ACACA: variants seen among roughly 807,000 people sequenced by gnomAD.
The protein encoded by ACACA is acetyl-CoA carboxylase 1.
Under a neutral mutation model 296.1 loss-of-function variants are expected in ACACA, and 103 were observed. The ratio of observed to expected loss-of-function variants is 0.35; its 90% CI spans 0.30 to 0.41. The LOEUF (loss-of-function observed/expected upper bound fraction) is 0.41. Ranked by LOEUF, ACACA falls within the 10% of genes least tolerant of loss-of-function variation. ACACA has a pLI of 1.00. For synonymous variants in ACACA, 953 were observed against 1,038.6 expected, an observed-to-expected ratio of 0.92 and a Z score of 1.58; for missense variants, 1,554 against 2,989.7, an observed-to-expected ratio of 0.52 and a Z score of 11.20.
chr17:37,199,348 T>A (rs1310826345), intron 35 of ACACA, among the ~76,000 whole-genome samples: 1 of 152,216 alleles, frequency 6.6e-6, no homozygotes, highest in Non-Finnish European at 1.5e-5. Flanking sequence ...TTATAATCAG[T>A]CATTTTGAAA....
intron 1 of ACACA, among the ~76,000 whole-genome samples, chr17:37,360,894 G>C (rs992238739): frequency 2.6e-5 from 4 of 152,212 alleles, no homozygotes; most frequent in Admixed American, 2.0e-4. Flanking sequence ...TGGGAAGAGG[G>C]AAGCCTTGCC....
chr17:37,152,370 G>A (rs1298473592), intron 43 of ACACA, among the ~76,000 whole-genome samples: 6 of 152,164 alleles, frequency 3.9e-5, no homozygotes, highest in African/African-American at 4.8e-5. Flanking sequence ...ACAATTTTAC[G>A]TAGGAAGAGA....
intron 13 of ACACA, 68 bp downstream of exon 13, chr17:37,258,144 C>T: frequency 6.4e-7 from 1 of 1,552,282 alleles, no homozygotes; most frequent in African/African-American, 1.4e-5. Context: ...CAGAAGTATA[C>T]TTTCAGATAC....
At chr17:37,351,928 T>G (rs2048919669) in intron 1 of ACACA, among the ~76,000 whole-genome samples, 1 of 46,564 alleles carries the variant, frequency 2.1e-5, no homozygotes, top group East Asian at 5.1e-4. Flanking sequence ...ACAGGCTGCA[T>G]TTTTTTTTTT....
intron 3 of ACACA, among the ~76,000 whole-genome samples, chr17:37,317,811 A>C (rs1279615370): frequency 6.6e-6 from 1 of 152,164 alleles, no homozygotes; most frequent in African/African-American, 2.4e-5. Context: ...TATAGAATGC[A>C]CTCCAGAGAC....
chr17:37,085,327 G>T lies in ACACA; in HGVS notation c.*1989C>A. The T allele has an allele frequency of 3.2e-6, 1 of 310,408 alleles. No individual in the cohort carries two copies. The highest frequency in any genetic ancestry group is 5.9e-6 in the Non-Finnish European group (1 of 170,716). 19.2% of individuals were successfully genotyped at this position (310,408 alleles called of 1,614,324 possible). ...GGGGAGGAGGCATTACAGGGTTCTA[G>T]AGAGGAAACATACTCGTTTGTGTCA... On this transcript the variant is annotated 3_prime_UTR_variant, in exon 56 of 56. Coordinates refer to ENST00000616317, the MANE Select transcript of ACACA (RefSeq NM_198834.3).
At chr17:37,293,713 T>C (rs182043083) in intron 3 of ACACA, among the ~76,000 whole-genome samples, 1 of 152,186 alleles carries the variant, frequency 6.6e-6, no homozygotes, top group African/African-American at 2.4e-5. Context: ...AGCTAGTTTT[T>C]ATATTTTCAG....
chr17:37,129,300 G>C, intron 47 of ACACA, 65 bp downstream of exon 47: 1 of 1,595,296 alleles, frequency 6.3e-7, no homozygotes, highest in Non-Finnish European at 8.6e-7. Context: ...GAATTGGATA[G>C]TGATTGAAAA....
intron 24 of ACACA, among the ~76,000 whole-genome samples, chr17:37,237,178 T>C (rs2080153228): frequency 6.6e-6 from 1 of 152,204 alleles, no homozygotes; most frequent in Admixed American, 6.5e-5. Context: ...CATCCTTTTG[T>C]TCAGTGTATG....
intron 9 of ACACA, among the ~76,000 whole-genome samples, chr17:37,271,726 T>C (rs2082081336): frequency 6.6e-6 from 1 of 151,648 alleles, no homozygotes; most frequent in African/African-American, 2.4e-5. Flanking sequence ...TCCCAACACT[T>C]TGAGAGGCTG....
intron 2 of ACACA, among the ~76,000 whole-genome samples, chr17:37,334,688 TTC>T (rs1207741623): frequency 6.6e-6 from 1 of 152,092 alleles, no homozygotes; most frequent in African/African-American, 2.4e-5. Context: ...TATCATATTT[TTC>T]TCTTTACTGT....
intron 42 of ACACA, among the ~76,000 whole-genome samples, chr17:37,160,991 A>G (rs1337405238): frequency 1.3e-5 from 2 of 152,216 alleles, no homozygotes; most frequent in African/African-American, 2.4e-5. Flanking sequence ...GCTAGGGTAT[A>G]GGACAGAACC....
intron 1 of ACACA, among the ~76,000 whole-genome samples, chr17:37,368,902 T>C (rs1442080464): frequency 6.6e-6 from 1 of 152,154 alleles, no homozygotes; most frequent in Non-Finnish European, 1.5e-5. Flanking sequence ...AGAAAACAGT[T>C]TGGCATTAAT....
intron 39 of ACACA, 147 bp from the exon 40 acceptor site, chr17:37,181,503 A>G (rs1278616387): frequency 2.5e-6 from 2 of 807,158 alleles, no homozygotes; most frequent in East Asian, 5.3e-5. Flanking sequence ...AACACTGGGT[A>G]CTTGGTGCTC....
At chr17:37,228,302 A>G (rs2079653121) in intron 25 of ACACA, among the ~76,000 whole-genome samples, 1 of 149,906 alleles carries the variant, frequency 6.7e-6, no homozygotes, top group East Asian at 2.0e-4. Context: ...GTCCAGAGTC[A>G]TAAAACATAT....
chr17:37,173,993 TATATATATATATATATATATATA>T (rs2076986926), intron 41 of ACACA, among the ~76,000 whole-genome samples: 6 of 9,712 alleles, frequency 6.2e-4, no homozygotes, highest in African/African-American at 2.9e-3. Context: ...TATATATATA[TATATATATATATATATATATATA>T]TATATTTTTT....
At chr17:37,320,713 G>A (rs1026354803) in intron 3 of ACACA, among the ~76,000 whole-genome samples, 5 of 151,818 alleles carry the variant, frequency 3.3e-5, no homozygotes, top group African/African-American at 9.7e-5. Context: ...TTGGGAAGCC[G>A]AGGCAGGTGG....
At chr17:37,129,578 C>T in intron 46 of ACACA, 93 bp from the exon 47 acceptor site, 1 of 1,533,486 alleles carries the variant, frequency 6.5e-7, no homozygotes. Context: ...GACAGCAGGG[C>T]CCACGTATGG....
chr17:37,106,355 G>A (rs1249466182), intron 52 of ACACA, among the ~76,000 whole-genome samples: 4 of 152,026 alleles, frequency 2.6e-5, no homozygotes, highest in African/African-American at 9.7e-5. Context: ...AATGTATCTA[G>A]CTTTTTTTAA....
Sources: allele counts gnomAD v4.1 joint callset (sites outside exome capture counted in the v4.1 genomes callset), GRCh38; gene constraint gnomAD v4.1.1; transcripts MANE v1.5; gene names NCBI Gene and HGNC (gene_info 2026-07-23, HGNC 2026-07-21).